The following PTPRT variants were observed in gnomAD, a reference collection of about 807,000 sequenced individuals.
PTPRT encodes the protein receptor-type tyrosine-protein phosphatase T.
Under a neutral mutation model 176.8 loss-of-function variants are expected in PTPRT, and 56 were observed. The observed-to-expected ratio is 0.32, with a 90% CI of 0.26 to 0.40. The LOEUF (loss-of-function observed/expected upper bound fraction) is 0.40, where lower values mean the gene tolerates loss of function less well. Among genes scored for constraint, PTPRT ranks in the 10% least tolerant of loss-of-function variants. The probability of loss-of-function intolerance (pLI) is 1.00; values close to 1 mark genes in which losing one functional copy is unlikely to be tolerated. For missense variants in PTPRT, 1,540 were observed against 1,908.2 expected (o/e 0.81, Z 3.60); for synonymous variants, 783 against 739.0 (o/e 1.06, Z -0.96).
At chr20:42,479,398 G>T (rs1245666119) in intron 7 of PTPRT, among the ~76,000 whole-genome samples, 1 of 152,158 alleles carries the variant, frequency 6.6e-6, no homozygotes, top group Non-Finnish European at 1.5e-5. Flanking sequence ...GTCCTAGGCA[G>T]CTGGAAACAT....
At chr20:42,502,166 G>C (rs146361130) in intron 7 of PTPRT, among the ~76,000 whole-genome samples, 1 of 151,854 alleles carries the variant, frequency 6.6e-6, no homozygotes, top group Non-Finnish European at 1.5e-5. Flanking sequence ...TTGACAAAAA[G>C]TTATTATATT....
At chr20:42,302,659 G>T (rs1400547733) in intron 12 of PTPRT, among the ~76,000 whole-genome samples, 1 of 152,190 alleles carries the variant, frequency 6.6e-6, no homozygotes, top group Non-Finnish European at 1.5e-5. Flanking sequence ...CCACTGGATT[G>T]TGGGTTCGCT....
At chr20:42,232,700 C>CT (rs957678370) in intron 15 of PTPRT, among the ~76,000 whole-genome samples, 6 of 151,512 alleles carry the variant, frequency 4.0e-5, no homozygotes, top group Non-Finnish European at 7.4e-5. Flanking sequence ...TAGCCCCCAA[C>CT]TCCAGTATCT....
chr20:42,394,631 G>A (rs2058832002), intron 9 of PTPRT, among the ~76,000 whole-genome samples: 1 of 152,166 alleles, frequency 6.6e-6, no homozygotes, highest in African/African-American at 2.4e-5. Flanking sequence ...TATATGATGT[G>A]ACACATTTTC....
intron 1 of PTPRT, among the ~76,000 whole-genome samples, chr20:42,929,855 C>T (rs1388874622): frequency 6.6e-6 from 1 of 152,220 alleles, no homozygotes; most frequent in African/African-American, 2.4e-5. Context: ...TTAGCAGTTG[C>T]CATGACAATG....
At chr20:42,931,670 C>T (rs1322258951) in intron 1 of PTPRT, among the ~76,000 whole-genome samples, 2 of 152,192 alleles carry the variant, frequency 1.3e-5, no homozygotes, top group Admixed American at 1.3e-4. Context: ...CATACCATCA[C>T]TAATACATGC....
chr20:42,652,069 A>G (rs1456389241), intron 7 of PTPRT, among the ~76,000 whole-genome samples: 2 of 149,090 alleles, frequency 1.3e-5, no homozygotes, highest in East Asian at 3.9e-4. Flanking sequence ...AACAAAAACA[A>G]ACAAAAAAAA....
At chr20:42,165,579 T>C (rs1458315789) in intron 16 of PTPRT, among the ~76,000 whole-genome samples, 1 of 152,242 alleles carries the variant, frequency 6.6e-6, no homozygotes, top group Non-Finnish European at 1.5e-5. Context: ...CAATAGAACT[T>C]TCCACAACAA....
intron 9 of PTPRT, among the ~76,000 whole-genome samples, chr20:42,407,784 A>G (rs952116995): frequency 1.1e-4 from 17 of 152,184 alleles, no homozygotes; most frequent in African/African-American, 4.1e-4. Context: ...TACTTAAAAA[A>G]TGTCTAGAAT....
In PTPRT at chr20:42,869,131, G is replaced by A. The variant is rs576811110; in HGVS notation, c.214+16676C>T. Among the ~76,000 whole-genome samples, 6 of 152,276 alleles carry A rather than the reference G, an allele frequency of 3.9e-5. No homozygotes were observed. The South Asian group carries it at 1.2e-3, about 32-fold the overall frequency. The stretch of plus-strand genomic sequence containing the variant: ...GGCAGAGAACTGCCAGGGTGGGTGG[G>A]GCTGCTCTGAGAACCCTCACTAGTG... On this transcript the variant is annotated intron_variant, in intron 2 of 30. Transcript: ENST00000373187.
chr20:42,567,628 C>T (rs2073067185), intron 7 of PTPRT, among the ~76,000 whole-genome samples: 1 of 152,158 alleles, frequency 6.6e-6, no homozygotes, highest in African/African-American at 2.4e-5. Flanking sequence ...TCATGGTGTT[C>T]AGAAATATTT....
At position 42,133,067 on chromosome 20, in the gene PTPRT, C is replaced by T. The variant is rs534112595; in HGVS notation, c.2771-4237G>A. On this transcript the variant is annotated intron_variant, in intron 18 of 30. Transcript: ENST00000373187. The stretch of plus-strand genomic sequence containing the variant: ...ACCTTAATTTGAGTACACATATAAA[C>T]GTTCTGTTTTTAATTTTTGGTACAG... Among the ~76,000 whole-genome samples, 9 of 152,216 alleles carry T rather than the reference C, an allele frequency of 5.9e-5. No individual in the cohort carries two copies. In the South Asian group the frequency reaches 1.5e-3, roughly 25 times the overall value.
chr20:42,539,605 G>A (rs1413982446), intron 7 of PTPRT, among the ~76,000 whole-genome samples: 1 of 147,702 alleles, frequency 6.8e-6, no homozygotes, highest in Non-Finnish European at 1.5e-5. Context: ...CAAACAAGCA[G>A]AACAAAGCAA....
intron 8 of PTPRT, among the ~76,000 whole-genome samples, chr20:42,455,374 T>C (rs974611163): frequency 6.6e-6 from 1 of 152,130 alleles, no homozygotes; most frequent in Non-Finnish European, 1.5e-5. Flanking sequence ...TTGACTTTCT[T>C]CCCTTTCCTG....
intron 1 of PTPRT, among the ~76,000 whole-genome samples, chr20:42,900,556 G>C (rs1348090917): frequency 6.6e-6 from 1 of 152,102 alleles, no homozygotes; most frequent in Non-Finnish European, 1.5e-5. Context: ...CATTCCCGTA[G>C]CATCAAAAGT....
chr20:42,378,153 G>A (rs979011680), intron 9 of PTPRT, among the ~76,000 whole-genome samples: 1 of 152,210 alleles, frequency 6.6e-6, no homozygotes, highest in Non-Finnish European at 1.5e-5. Context: ...CCCCCACAGA[G>A]TAGGGGAAAG....
At chr20:42,781,095 C>T (rs2077208745) in intron 3 of PTPRT, among the ~76,000 whole-genome samples, 1 of 152,058 alleles carries the variant, frequency 6.6e-6, no homozygotes, top group Non-Finnish European at 1.5e-5. Flanking sequence ...AGTCTCATCC[C>T]AGTTGACTCC....
chr20:42,426,288 A>C (rs1403148536), intron 9 of PTPRT, among the ~76,000 whole-genome samples: 1 of 152,120 alleles, frequency 6.6e-6, no homozygotes, highest in East Asian at 1.9e-4. Context: ...GAAGAAGAGT[A>C]ACAGAATGGC....
At chr20:43,071,127 T>C (rs1366406209) in intron 1 of PTPRT, among the ~76,000 whole-genome samples, 1 of 152,176 alleles carries the variant, frequency 6.6e-6, no homozygotes, top group African/African-American at 2.4e-5. Context: ...CCGGGGTTCC[T>C]TGAGGCATCA....
Sources: allele counts gnomAD v4.1 joint callset (sites outside exome capture counted in the v4.1 genomes callset), GRCh38; gene constraint gnomAD v4.1.1; transcripts MANE v1.5; gene names NCBI Gene and HGNC (gene_info 2026-07-23, HGNC 2026-07-21).